PCDH11X: variants seen among roughly 807,000 people sequenced by gnomAD.
PCDH11X encodes the protein protocadherin-11 X-linked.
PCDH11X carries 18 observed loss-of-function variants against 53.3 expected under a neutral mutation model. The ratio of observed to expected loss-of-function variants is 0.34; its 90% CI spans 0.23 to 0.50. The LOEUF is 0.50. PCDH11X is among the 20% of genes least tolerant of loss of function. The pLI is 0.98. For missense variants in PCDH11X, 570 were observed against 1,032.4 expected, an observed-to-expected ratio of 0.55 and a Z score of 6.14; for synonymous variants, 279 against 393.3, an observed-to-expected ratio of 0.71 and a Z score of 3.44.
chrX:92,273,484 G>A (rs759658647), intron 8 of PCDH11X, among the ~76,000 whole-genome samples: 1 of 111,305 alleles, frequency 9.0e-6, no homozygotes, highest in Admixed American at 9.6e-5. Context: ...CACAGGGGAT[G>A]TGATGGCTTG....
intron 6 of PCDH11X, among the ~76,000 whole-genome samples, chrX:92,012,080 C>G (rs754035754): frequency 9.9e-4 from 110 of 110,985 alleles, no homozygotes; most frequent in Non-Finnish European, 1.8e-3. Flanking sequence ...ATAGGCAAAT[C>G]TAGCATATAT....
At chrX:92,163,512 C>G (rs1477903721) in intron 6 of PCDH11X, among the ~76,000 whole-genome samples, 1 of 110,998 alleles carries the variant, frequency 9.0e-6, no homozygotes, top group Non-Finnish European at 1.9e-5. Context: ...AGGGCTTTTT[C>G]CACTGCTTCC....
chrX:91,894,967 C>G (rs963508868), intron 6 of PCDH11X, among the ~76,000 whole-genome samples: 11 of 110,628 alleles, frequency 9.9e-5, no homozygotes, highest in Non-Finnish European at 1.7e-4. Flanking sequence ...TCTGGGCACC[C>G]TTTGTGACCC....
intron 10 of PCDH11X, among the ~76,000 whole-genome samples, chrX:92,564,837 G>A (rs1452252542): frequency 4.5e-5 from 5 of 110,843 alleles, no homozygotes; most frequent in East Asian, 2.8e-4. Context: ...GAGACAACCT[G>A]CAGAATGTGA....
At chrX:92,541,308 T>C (rs2148737316) in intron 10 of PCDH11X, among the ~76,000 whole-genome samples, 1 of 108,553 alleles carries the variant, frequency 9.2e-6, no homozygotes, top group Admixed American at 9.9e-5. Context: ...CCAGCATGAC[T>C]TTGCTCTCCA....
intron 10 of PCDH11X, among the ~76,000 whole-genome samples, chrX:92,499,765 G>A (rs5984969): frequency 0.29 from 30,307 of 104,326 alleles, 3,933 homozygotes; most frequent in Non-Finnish European, 0.37. Context: ...CTGGGAGGTC[G>A]AGGCTGCAGT....
Position 92,618,705 on chromosome X carries a change from G to A in PCDH11X, c.3809G>A (p.Ser1270Asn). ...PLPQVIALHR[S>N]QAQSSVSLQQ... ...CCACAGGTTATTGCCCTCCATCGTA[G>A]TCAGGCCCAATCATCAGTCAGTTTG... is the stretch of plus-strand genomic sequence containing the variant. The change falls in exon 11 of 11, where the codon AGT (serine) becomes AAT (asparagine). Residue 1270 changes from serine to asparagine, a missense_variant. By Grantham distance (46) the Ser-to-Asn change is conservative. Transcript: ENST00000682573. 2.5e-6 allele frequency: 3 copies of A among 1,211,989 alleles called. No homozygotes were observed. The highest frequency in any genetic ancestry group is 3.4e-6 in the Non-Finnish European group (3 of 895,521).
At chrX:91,908,079 C>T (rs745586446) in intron 6 of PCDH11X, among the ~76,000 whole-genome samples, 1,369 of 111,086 alleles carry the variant, frequency 0.012, 18 homozygotes, top group African/African-American at 0.042. Flanking sequence ...TGGAAGATAC[C>T]CTAAGCAATA....
intron 6 of PCDH11X, among the ~76,000 whole-genome samples, chrX:92,009,090 A>G (rs2062647681): frequency 8.9e-6 from 1 of 112,500 alleles, no homozygotes; most frequent in African/African-American, 3.2e-5. Flanking sequence ...TTTTAAGAAA[A>G]TCAGCAAAAT....
chrX:92,499,444 G>GAA (rs67442304), intron 10 of PCDH11X, among the ~76,000 whole-genome samples: 20 of 73,318 alleles, frequency 2.7e-4, no homozygotes, highest in South Asian at 1.8e-3. Flanking sequence ...TCTGGAGTTT[G>GAA]AAAAAAAAAA....
chrX:91,849,392 A>T (rs1025851235), intron 5 of PCDH11X, among the ~76,000 whole-genome samples: 3 of 110,385 alleles, frequency 2.7e-5, no homozygotes, highest in African/African-American at 9.9e-5. Flanking sequence ...AGGTACTAAG[A>T]CAGGTAAGTA....
intron 9 of PCDH11X, among the ~76,000 whole-genome samples, chrX:92,463,801 G>A (rs983677514): frequency 1.8e-5 from 2 of 110,695 alleles, no homozygotes; most frequent in African/African-American, 3.3e-5. Flanking sequence ...AGAAAATAGA[G>A]CCAATAGCTT....
intron 7 of PCDH11X, among the ~76,000 whole-genome samples, chrX:92,224,211 G>T (rs975098559): frequency 8.9e-6 from 1 of 112,052 alleles, no homozygotes; most frequent in Non-Finnish European, 1.9e-5. Flanking sequence ...CAGTTACACA[G>T]CTGTGCTGAC....
intron 6 of PCDH11X, among the ~76,000 whole-genome samples, chrX:91,917,132 C>A (rs1941590581): frequency 9.0e-6 from 1 of 110,907 alleles, no homozygotes; most frequent in African/African-American, 3.3e-5. Context: ...TTAAAATCCT[C>A]AGCAAAATTG....
intron 10 of PCDH11X, among the ~76,000 whole-genome samples, chrX:92,483,198 A>G (rs185703080): frequency 8.9e-6 from 1 of 111,815 alleles, no homozygotes; most frequent in East Asian, 2.8e-4. Flanking sequence ...GATAATCCAT[A>G]TTTTGTTCTT....
intron 6 of PCDH11X, among the ~76,000 whole-genome samples, chrX:92,051,537 G>A (rs1031245845): frequency 1.8e-5 from 2 of 111,309 alleles, no homozygotes; most frequent in African/African-American, 3.3e-5. Context: ...TGTACATGGA[G>A]AGATTATATT....
At chrX:91,804,773 T>C (rs1936043063) in intron 1 of PCDH11X, among the ~76,000 whole-genome samples, 1 of 111,231 alleles carries the variant, frequency 9.0e-6, no homozygotes, top group South Asian at 3.8e-4. Flanking sequence ...AATGTCATGA[T>C]AAAAGACAGC....
At chrX:92,025,224 C>T (rs1485748501) in intron 6 of PCDH11X, among the ~76,000 whole-genome samples, 11 of 109,271 alleles carry the variant, frequency 1.0e-4, no homozygotes, top group Non-Finnish European at 1.5e-4. Flanking sequence ...TGCAATCTAC[C>T]CATCTGACAA....
At chrX:92,560,250 C>T (rs541676295) in intron 10 of PCDH11X, among the ~76,000 whole-genome samples, 47 of 109,678 alleles carry the variant, frequency 4.3e-4, no homozygotes, top group Middle Eastern at 9.5e-3. Flanking sequence ...CCAGTTCTGG[C>T]AGTTAGTCAT....
Sources: allele counts gnomAD v4.1 joint callset (sites outside exome capture counted in the v4.1 genomes callset), GRCh38; gene constraint gnomAD v4.1.1; transcripts MANE v1.5; gene names NCBI Gene and HGNC (gene_info 2026-07-23, HGNC 2026-07-21).